PGC: variants seen among roughly 807,000 people sequenced by gnomAD.
The protein encoded by PGC is progastricsin.
Under a neutral mutation model 45.9 loss-of-function variants are expected in PGC, and 31 were observed. The observed-to-expected ratio is 0.67, with a 90% confidence interval of 0.51 to 0.91. The LOEUF is 0.91. Ranked by LOEUF, PGC falls within the 40% of genes least tolerant of loss-of-function variation. The pLI, the probability that PGC is intolerant of heterozygous loss-of-function variation, is 0.00. For missense variants in PGC, 477 were observed against 493.2 expected, an observed-to-expected ratio of 0.97 and a Z score of 0.31; for synonymous variants, 192 against 201.8, an observed-to-expected ratio of 0.95 and a Z score of 0.41.
intron 5 of PGC, chr6:41,741,031 G>T: frequency 2.6e-6 from 4 of 1,536,916 alleles, no homozygotes; most frequent in Non-Finnish European, 3.5e-6. Context: ...GGGACCCCCA[G>T]CCCACACTCT....
At position 41,747,388 on chromosome 6, in the gene PGC, G is replaced by A. The variant is rs115960275; in HGVS notation, c.-54C>T. The A allele has an allele frequency of 0.019, 27,610 of 1,473,472 alleles. 399 individuals are homozygous for A. The highest frequency in any genetic ancestry group is 0.058 in the South Asian group (5,064 of 88,002). 91.3% of individuals were successfully genotyped at this position (1,473,472 alleles called of 1,614,324 possible). A position where few individuals can be genotyped will look rare whatever the true frequency, so the allele number is the denominator to read the frequency against. ...AAGAGCAGCTCTGAGTTCTGCAGTC[G>A]CAGTGGAGTGAAGACCTGGGCACTC... On this transcript the variant is annotated 5_prime_UTR_variant, in exon 1 of 9. Coordinates refer to ENST00000373025, the MANE Select transcript of PGC (RefSeq NM_002630.4).
intron 4 of PGC, among the ~76,000 whole-genome samples, chr6:41,742,750 G>A (rs1008852699): frequency 2.0e-5 from 3 of 152,154 alleles, no homozygotes; most frequent in African/African-American, 7.2e-5. Context: ...TCAGCCTCCC[G>A]AGTAGCTGGG....
Position 41,744,343 on chromosome 6 carries a change from G to A in PGC, c.328+54C>T, listed in dbSNP as rs931466597. Reference sequence around the variant, plus strand: ...TCTGGAAGTTTGGCCCTCCCCAGAGGGTATCAGTGCCTTGCCCTGCCAACC... The same window carrying A: ...TCTGGAAGTTTGGCCCTCCCCAGAGAGTATCAGTGCCTTGCCCTGCCAACC... On this transcript the variant is annotated intron_variant, in intron 3 of 8. Transcript: ENST00000373025. The surrounding 1 kb of genome is among the most constrained non-coding windows in gnomAD (Gnocchi z 4.4). The A allele has an allele frequency of 1.3e-5, 17 of 1,294,100 alleles. No homozygotes were observed. The highest frequency in any genetic ancestry group is 1.8e-5 in the Non-Finnish European group (16 of 907,592). The allele number at this position is 1,294,100 out of a possible 1,614,324, so 80.2% of individuals were successfully genotyped here.
chr6:41,741,000 C>A (rs887644429), intron 5 of PGC: 6 of 1,534,206 alleles, frequency 3.9e-6, no homozygotes, highest in Non-Finnish European at 4.4e-6. Context: ...ATGCTGACTT[C>A]TGGGGGGTCC....
intron 8 of PGC, 99 bp from the exon 9 acceptor site, chr6:41,737,103 G>A (rs1771700003): frequency 1.7e-6 from 2 of 1,208,688 alleles, no homozygotes; most frequent in Admixed American, 2.7e-5. Flanking sequence ...GTGCAGAGCT[G>A]AGGGAGCCAG....
Position 41,742,427 on chromosome 6 carries a change from G to A in PGC, c.510C>T (p.Asn170=), listed in dbSNP as rs1771846520. The A allele has an allele frequency of 6.2e-7, 1 of 1,614,160 alleles. No individual in the cohort carries two copies. The highest frequency in any genetic ancestry group is 8.5e-7 in the Non-Finnish European group (1 of 1,180,026). ...TGCCATCAAACTGCGCATAGACGAA[G>A]TTGGTACCAGGCTCATTCTCACTCA... ...FGLSENEPGT[N]FVYAQFDGIM... Residue 170 remains asparagine (N), a synonymous_variant, in exon 5 of 9, where the codon AAC becomes AAT. Coordinates refer to ENST00000373025, the MANE Select transcript of PGC (RefSeq NM_002630.4).
intron 6 of PGC, 110 bp downstream of exon 6, chr6:41,740,381 G>A (rs951500620): frequency 7.3e-7 from 1 of 1,368,036 alleles, no homozygotes; most frequent in African/African-American, 1.5e-5. Context: ...TAAGCCTCAG[G>A]GGTCCTCTGC....
At position 41,737,725 on chromosome 6, in the gene PGC, C is replaced by T. The variant is rs1771713487; in HGVS notation, c.1014+5G>A. The T allele has an allele frequency of 2.6e-6, 4 of 1,562,400 alleles. No homozygotes were observed. In the Admixed American group the frequency reaches 6.7e-5, roughly 26 times the overall value. On this transcript the variant is annotated splice_donor_5th_base_variant and intron_variant, in intron 8 of 8. Transcript: ENST00000373025. ...GTGGCTCAGCCTGCAGGGACCAGGA[C>T]TTACACTGAGGATATAGGAGGAAGG...
intron 4 of PGC, among the ~76,000 whole-genome samples, chr6:41,742,971 C>T (rs900488872): frequency 6.6e-6 from 1 of 152,188 alleles, no homozygotes; most frequent in African/African-American, 2.4e-5. Flanking sequence ...TCCTGCGTAG[C>T]CTTCCTTGAC....
Position 41,736,992 on chromosome 6 carries a change from A to G in PGC, c.1027T>C (p.Cys343Arg), listed in dbSNP as rs766026265. 3.7e-6 allele frequency: 6 copies of G among 1,613,430 alleles called. No individual in the cohort carries two copies. Among genetic ancestry groups the G allele is most frequent in the South Asian group, 1.1e-5 (1 of 91,054 alleles). The change falls in exon 9 of 9, where the codon TGC becomes CGC. Residue 343 changes from cysteine (C) to arginine (R), a missense_variant. Coordinates refer to ENST00000373025, the MANE Select transcript of PGC (RefSeq NM_002630.4). ...SSYILSNNGY[C>R]TVGVEPTYLS... ...TAGGTGGGCTCGACTCCCACGGTGC[A>G]GTAGCCGTTGTTCTGCTCAACAAAG...
At chr6:41,739,312 C>A (rs147271518) in intron 7 of PGC, among the ~76,000 whole-genome samples, 48 of 152,356 alleles carry the variant, frequency 3.2e-4, no homozygotes, top group African/African-American at 1.1e-3. Context: ...AGCAACTGGC[C>A]CCGCCTGAAC....
At position 41,736,871 on chromosome 6, in the gene PGC, C is replaced by T; in HGVS notation, c.1148G>A (p.Gly383Asp). The T allele has an allele frequency of 6.2e-7, 1 of 1,614,100 alleles. No individual in the cohort carries two copies. Among genetic ancestry groups the T allele is most frequent in the Non-Finnish European group, 8.5e-7 (1 of 1,180,008 alleles). The change falls in exon 9 of 9, where the codon GGC becomes GAC. Residue 383 changes from glycine to aspartate, a missense_variant. By Grantham distance (94) the Gly-to-Asp change is moderately conservative (BLOSUM62 -1). Transcript: ENST00000373025. ...GCAAGTCTAGGCGGCAGTGGCAAAG[C>T]CTACTCTGTTGTTGCCCAAGTCGTA... ...SVYDLGNNRV[G>D]FATAA
Position 41,741,693 on chromosome 6 carries a change from G to A in PGC, c.647+597C>T, listed in dbSNP as rs1347838776. 12 of 761,450 alleles carry A rather than the reference G, an allele frequency of 1.6e-5. No individual in the cohort carries two copies. The Admixed American group carries it at 3.0e-4, about 19-fold the overall frequency. 47.2% of individuals were successfully genotyped at this position (761,450 alleles called of 1,614,324 possible). ...CAAAAGCAAGTTGCTGGTTAATTCT[G>A]AAGAAGAACAAAGAAAAGCAGGCCC... On this transcript the variant is annotated intron_variant, in intron 5 of 8. Coordinates refer to ENST00000373025, the MANE Select transcript of PGC (RefSeq NM_002630.4).
At chr6:41,742,802 T>C (rs1202536408) in intron 4 of PGC, among the ~76,000 whole-genome samples, 23 of 152,326 alleles carry the variant, frequency 1.5e-4, no homozygotes, top group African/African-American at 5.5e-4. Context: ...TTTTTTGTAC[T>C]TTTAATAGAG....
At chr6:41,747,047 T>C (rs879595899) in intron 1 of PGC, among the ~76,000 whole-genome samples, 1 of 152,242 alleles carries the variant, frequency 6.6e-6, no homozygotes, top group Non-Finnish European at 1.5e-5. Flanking sequence ...CCTCATCAGA[T>C]GGGGGAAGGG....
At chr6:41,745,014 T>TGTGTGTGC (rs1415285815) in intron 1 of PGC, among the ~76,000 whole-genome samples, 41 of 99,888 alleles carry the variant, frequency 4.1e-4, no homozygotes, top group African/African-American at 9.8e-4. Flanking sequence ...TGTGTGTGTG[T>TGTGTGTGC]GCGCGCGCGC....
chr6:41,737,875 C>A (rs369890207), intron 7 of PGC, 47 bp from the exon 8 acceptor site: 9 of 1,089,632 alleles, frequency 8.3e-6, no homozygotes, highest in Non-Finnish European at 1.3e-5. Flanking sequence ...CCCCTGATAG[C>A]ACCCACCAGC....
At chr6:41,742,140 C>A in intron 5 of PGC, 150 bp downstream of exon 5, 1 of 734,536 alleles carries the variant, frequency 1.4e-6, no homozygotes, top group Non-Finnish European at 2.3e-6. Context: ...AGAGGAAGCC[C>A]AGGAAGGAAG....
chr6:41,739,994 C>T (rs927246121), intron 6 of PGC, 48 bp from the exon 7 acceptor site: 1 of 1,571,760 alleles, frequency 6.4e-7, no homozygotes, highest in Non-Finnish European at 8.7e-7. Flanking sequence ...CAGTTCAGGG[C>T]AGCTGGGGCG....
Sources: gnomAD v4.1 joint callset for allele counts (sites outside exome capture counted in the v4.1 genomes callset) on GRCh38, gnomAD v4.1.1 for gene constraint, Gnocchi (gnomAD v3.1) non-coding constraint, MANE v1.5 for transcripts, NCBI Gene and HGNC (gene_info 2026-07-23, HGNC 2026-07-21) for gene names.